STIM2: variants seen among roughly 807,000 people sequenced by gnomAD.
STIM2 encodes stromal interaction molecule 2.
A neutral mutation model predicts 85.8 loss-of-function variants in STIM2; 31 were observed. The ratio of observed to expected loss-of-function variants is 0.36; its 90% CI spans 0.27 to 0.49. STIM2 has a LOEUF of 0.49. Among genes scored for constraint, STIM2 ranks in the 20% least tolerant of loss-of-function variants. The pLI is 0.98. For synonymous variants in STIM2, 356 were observed against 331.1 expected (o/e 1.08, Z -0.82); for missense variants, 841 against 927.6 (o/e 0.91, Z 1.21).
intron 2 of STIM2, among the ~76,000 whole-genome samples, chr4:26,949,627 T>G (rs1325442634): frequency 6.6e-6 from 1 of 152,142 alleles, no homozygotes; most frequent in Non-Finnish European, 1.5e-5. Flanking sequence ...TCTGATACAG[T>G]TTTAGGTCTG....
chr4:26,949,009 T>G (rs938105924), intron 2 of STIM2, among the ~76,000 whole-genome samples: 4 of 152,152 alleles, frequency 2.6e-5, no homozygotes, highest in African/African-American at 7.2e-5. Flanking sequence ...GTACATACAG[T>G]GTATTCATTT....
intron 1 of STIM2, among the ~76,000 whole-genome samples, chr4:26,905,113 A>T (rs908350427): frequency 6.6e-6 from 1 of 152,162 alleles, no homozygotes; most frequent in Non-Finnish European, 1.5e-5. Flanking sequence ...GAGGCATTGG[A>T]GTTGAGGATC....
rs180750654 is a variant in STIM2 at position 26,972,599 on chromosome 4, T to C, written c.397+14873T>C. On this transcript the variant is annotated intron_variant, in intron 3 of 11. Coordinates refer to ENST00000467087, the MANE Select transcript of STIM2 (RefSeq NM_020860.4). ...ATCTGAGGGATGAAGCTGACTTGAT[T>C]GTGGTGGATAAGCTTTTTGATGTGC... Among the ~76,000 whole-genome samples the C allele has an allele frequency of 7.3e-3, 1,109 of 152,234 alleles. 9 individuals are homozygous for C. The highest frequency in any genetic ancestry group is 8.7e-3 in the Non-Finnish European group (594 of 67,982).
At chr4:27,022,373 A>G in intron 11 of STIM2, 146 bp from the exon 12 acceptor site, 1 of 579,090 alleles carries the variant, frequency 1.7e-6, no homozygotes, top group Non-Finnish European at 2.9e-6. Flanking sequence ...GTAATGTTCT[A>G]ATTTTGCTGA....
At chr4:26,867,371 G>A (rs1211118944) in intron 1 of STIM2, among the ~76,000 whole-genome samples, 1 of 152,138 alleles carries the variant, frequency 6.6e-6, no homozygotes, top group Non-Finnish European at 1.5e-5. Flanking sequence ...TCGGGCTTAT[G>A]TGATGATTTA....
chr4:26,933,733 C>CA (rs771503772), intron 2 of STIM2, among the ~76,000 whole-genome samples: 3,250 of 46,886 alleles, frequency 0.069, 307 homozygotes, highest in African/African-American at 0.16. Context: ...GACCTGATCT[C>CA]AAAAAAAAAA....
intron 2 of STIM2, among the ~76,000 whole-genome samples, chr4:26,922,456 A>G (rs1369995883): frequency 6.6e-6 from 1 of 152,150 alleles, no homozygotes; most frequent in Non-Finnish European, 1.5e-5. Context: ...TGCAGTTTCA[A>G]TGACTTGCTA....
chr4:26,958,943 CTTGACTGTG>C (rs900093330), intron 3 of STIM2, among the ~76,000 whole-genome samples: 3 of 152,076 alleles, frequency 2.0e-5, no homozygotes, highest in African/African-American at 7.2e-5. Context: ...TTGGAACCCA[CTTGACTGTG>C]TTTGAATGAA....
chr4:27,006,128 C>T (rs1054911016), intron 7 of STIM2, among the ~76,000 whole-genome samples: 22 of 152,172 alleles, frequency 1.4e-4, no homozygotes, highest in African/African-American at 5.3e-4. Flanking sequence ...GTTATGTAGG[C>T]AGATGTTGCT....
chr4:26,891,705 C>G (rs1264505671), intron 1 of STIM2, among the ~76,000 whole-genome samples: 1 of 151,990 alleles, frequency 6.6e-6, no homozygotes, highest in African/African-American at 2.4e-5. Flanking sequence ...CTTCCAAATA[C>G]AAAGAGGCCT....
intron 2 of STIM2, among the ~76,000 whole-genome samples, chr4:26,943,376 T>C (rs115769512): frequency 0.011 from 1,700 of 152,286 alleles, 18 homozygotes; most frequent in Non-Finnish European, 0.015. Context: ...ATGTTTAGTA[T>C]CATGAACTCA....
chr4:26,994,372 C>T (rs1044592988), intron 3 of STIM2, among the ~76,000 whole-genome samples: 2 of 152,066 alleles, frequency 1.3e-5, no homozygotes, highest in Non-Finnish European at 2.9e-5. Context: ...CAGCCCCTGT[C>T]CATTTCATCA....
At position 27,023,417 on chromosome 4, in the gene STIM2, A is replaced by C. The variant is rs1018835092; in HGVS notation, c.*421A>C. On this transcript the variant is annotated 3_prime_UTR_variant, in exon 12 of 12. Coordinates refer to ENST00000467087, the MANE Select transcript of STIM2 (RefSeq NM_020860.4). ...TTCCACAGAGCTATTTACATCCTGGACTATATAACTTAAAAGAAGTAAAAC... is the reference window on the plus strand; with the variant it reads ...TTCCACAGAGCTATTTACATCCTGGCCTATATAACTTAAAAGAAGTAAAAC... 1.2e-5 allele frequency: 2 copies of C among 168,940 alleles called. No individual in the cohort carries two copies. The highest frequency in any genetic ancestry group is 4.8e-5 in the African/African-American group (2 of 41,642). The allele number at this position is 168,940 out of a possible 1,614,324, so 10.5% of individuals were successfully genotyped here.
At chr4:26,916,699 A>G (rs998037314) in intron 1 of STIM2, among the ~76,000 whole-genome samples, 1 of 151,848 alleles carries the variant, frequency 6.6e-6, no homozygotes, top group Non-Finnish European at 1.5e-5. Flanking sequence ...TCTTTGTACT[A>G]CAGACATATT....
At chr4:26,950,186 C>T (rs1725993093) in intron 2 of STIM2, among the ~76,000 whole-genome samples, 1 of 152,182 alleles carries the variant, frequency 6.6e-6, no homozygotes, top group Admixed American at 6.5e-5. Context: ...ACAGCTATTT[C>T]ATGTTTTAAG....
chr4:26,906,912 AGCCGAGATTGCATCACTGC>A (rs1399392876), intron 1 of STIM2, among the ~76,000 whole-genome samples: 1 of 151,044 alleles, frequency 6.6e-6, no homozygotes, highest in Admixed American at 6.6e-5. Context: ...GCTTGCAGTG[AGCCGAGATTGCATCACTGC>A]ACTCCAGCCT....
intron 1 of STIM2, among the ~76,000 whole-genome samples, chr4:26,906,827 C>T (rs974024951): frequency 1.3e-5 from 2 of 152,016 alleles, no homozygotes; most frequent in African/African-American, 4.8e-5. Flanking sequence ...ATTAGATAGG[C>T]ATGGTGGTGG....
intron 4 of STIM2, among the ~76,000 whole-genome samples, chr4:26,996,506 G>T (rs960745895): frequency 3.3e-5 from 5 of 151,916 alleles, no homozygotes; most frequent in African/African-American, 1.2e-4. Context: ...TTTGAGGTTT[G>T]TATTTTGATC....
intron 2 of STIM2, among the ~76,000 whole-genome samples, chr4:26,940,908 G>A (rs974790804): frequency 6.6e-6 from 1 of 152,160 alleles, no homozygotes; most frequent in African/African-American, 2.4e-5. Context: ...TCTGGGATGA[G>A]ACCCAAGAAT....
Sources: allele counts gnomAD v4.1 joint callset (sites outside exome capture counted in the v4.1 genomes callset), GRCh38; gene constraint gnomAD v4.1.1; transcripts MANE v1.5; gene names NCBI Gene and HGNC (gene_info 2026-07-23, HGNC 2026-07-21).